Variants in USP49 observed in about 807,000 individuals in gnomAD.
The protein encoded by USP49 is ubiquitin specific peptidase 49.
Under a neutral mutation model 58.6 loss-of-function variants are expected in USP49, and 24 were observed. The ratio of observed to expected loss-of-function variants is 0.41; its 90% CI spans 0.30 to 0.58. USP49 has a LOEUF of 0.58. USP49 is among the 20% of genes least tolerant of loss of function. The probability of loss-of-function intolerance (pLI) is 0.30; values close to 1 mark genes in which losing one functional copy is unlikely to be tolerated. For synonymous variants in USP49, 408 were observed against 365.1 expected (o/e 1.12, Z -1.34); for missense variants, 703 against 866.1 (o/e 0.81, Z 2.36).
intron 3 of USP49, among the ~76,000 whole-genome samples, chr6:41,853,091 C>T (rs929699403): frequency 5.9e-5 from 9 of 152,128 alleles, no homozygotes; most frequent in Admixed American, 5.9e-4. Flanking sequence ...GAGGCTAAGG[C>T]AGGAGAATCG....
At chr6:41,817,193 G>A (rs1561908199) in intron 3 of USP49, among the ~76,000 whole-genome samples, 2 of 129,020 alleles carry the variant, frequency 1.6e-5, no homozygotes, top group African/African-American at 3.2e-5. Flanking sequence ...TCTGTCGCCA[G>A]GCTGGAGTGC....
chr6:41,872,195 A>G (rs1774421974), intron 2 of USP49, among the ~76,000 whole-genome samples: 1 of 152,236 alleles, frequency 6.6e-6, no homozygotes, highest in African/African-American at 2.4e-5. Flanking sequence ...AATTATATGT[A>G]TAAGCATGTT....
chr6:41,841,077 A>G (rs1582014619), intron 3 of USP49, among the ~76,000 whole-genome samples: 1 of 152,056 alleles, frequency 6.6e-6, no homozygotes, highest in East Asian at 1.9e-4. Flanking sequence ...ATCCTCTCCA[A>G]CTATTTCTGA....
rs555273739 is a variant in USP49 at position 41,845,406 on chromosome 6, G to A, written c.-29+26158C>T. 2.0e-5 allele frequency among the ~76,000 whole-genome samples: 3 copies of A among 152,148 alleles called. No homozygotes were observed. The South Asian group carries it at 6.2e-4, about 32-fold the overall frequency. Reference sequence around the variant, plus strand: ...CCGGGTATGGTGGCGCACACCTGTGGCTACTCGGGAGGCTGAGGCAGGAGA... The same window carrying A: ...CCGGGTATGGTGGCGCACACCTGTGACTACTCGGGAGGCTGAGGCAGGAGA... On this transcript the variant is annotated intron_variant, in intron 3 of 7. Coordinates refer to ENST00000682992, the MANE Select transcript of USP49 (RefSeq NM_001286554.2).
At chr6:41,818,356 CAT>C (rs1032322760) in intron 3 of USP49, among the ~76,000 whole-genome samples, 13 of 152,242 alleles carry the variant, frequency 8.5e-5, no homozygotes, top group East Asian at 1.9e-4. Context: ...CACACACACA[CAT>C]GCGCACACAC....
At chr6:41,868,500 G>GT (rs1299319926) in intron 3 of USP49, 3 of 151,868 alleles carry the variant, frequency 2.0e-5, no homozygotes, top group Non-Finnish European at 4.4e-5. Context: ...TCTAATTTTT[G>GT]TATTTTTAGT....
At chr6:41,815,485 T>C (rs1773333432) in intron 3 of USP49, among the ~76,000 whole-genome samples, 1 of 151,778 alleles carries the variant, frequency 6.6e-6, no homozygotes, top group South Asian at 2.1e-4. Flanking sequence ...TGTTCAGAAG[T>C]CCTTTGCTAA....
intron 3 of USP49, among the ~76,000 whole-genome samples, chr6:41,838,489 TCCAC>T (rs1316646713): frequency 1.3e-5 from 2 of 152,152 alleles, no homozygotes; most frequent in Non-Finnish European, 2.9e-5. Flanking sequence ...GCCTGGTAGC[TCCAC>T]TGGGTAGCTA....
intron 3 of USP49, among the ~76,000 whole-genome samples, chr6:41,871,332 G>C (rs555570059): frequency 1.3e-5 from 2 of 152,136 alleles, no homozygotes; most frequent in African/African-American, 4.8e-5. Flanking sequence ...CTGGTCTTTA[G>C]GTCCCATTTT....
intron 7 of USP49, chr6:41,797,685 T>G (rs1422494392): frequency 1.0e-6 from 1 of 985,846 alleles, no homozygotes; most frequent in Non-Finnish European, 1.2e-6. Context: ...GCTAGTGAGA[T>G]TCATACAATA....
intron 3 of USP49, among the ~76,000 whole-genome samples, chr6:41,837,336 G>C (rs1773745632): frequency 6.6e-6 from 1 of 152,040 alleles, no homozygotes; most frequent in Admixed American, 6.6e-5. Context: ...ACTCAACAAA[G>C]TCGACAAAAG....
intron 3 of USP49, among the ~76,000 whole-genome samples, chr6:41,820,089 C>A (rs543377998): frequency 1.3e-5 from 2 of 152,092 alleles, no homozygotes; most frequent in African/African-American, 4.8e-5. Context: ...TTATTTAGAT[C>A]CATACTTGAA....
chr6:41,802,937 A>G (rs889250081), intron 5 of USP49, among the ~76,000 whole-genome samples: 2 of 152,240 alleles, frequency 1.3e-5, no homozygotes, highest in African/African-American at 4.8e-5. Flanking sequence ...CAATAAAAAC[A>G]AAATGCAGAA....
At chr6:41,802,448 A>ATTTTTTTTT (rs1363216201) in intron 5 of USP49, among the ~76,000 whole-genome samples, 1 of 53,336 alleles carries the variant, frequency 1.9e-5, no homozygotes, top group African/African-American at 7.4e-5. Flanking sequence ...TTATTTATTT[A>ATTTTTTTTT]TTTATTTATT....
chr6:41,890,939 T>A (rs889768402), intron 2 of USP49, among the ~76,000 whole-genome samples: 2 of 152,210 alleles, frequency 1.3e-5, no homozygotes, highest in Admixed American at 6.5e-5. Flanking sequence ...CAATAAGGCA[T>A]TTTTTACTGG....
chr6:41,877,976 G>A (rs2127361799), intron 2 of USP49, among the ~76,000 whole-genome samples: 1 of 151,936 alleles, frequency 6.6e-6, no homozygotes, highest in South Asian at 2.1e-4. Context: ...GCCCAGGCTG[G>A]CCTTGAACTC....
chr6:41,883,023 T>C (rs1190881015), intron 2 of USP49, among the ~76,000 whole-genome samples: 2 of 152,054 alleles, frequency 1.3e-5, no homozygotes, highest in Non-Finnish European at 2.9e-5. Flanking sequence ...AGAAATATTA[T>C]ATATATTAAG....
At chr6:41,871,685 A>G (rs1774414526) in intron 2 of USP49, 48 bp from the exon 3 acceptor site, 1 of 152,232 alleles carries the variant, frequency 6.6e-6, no homozygotes, top group South Asian at 2.1e-4. Flanking sequence ...CATGGCAAGA[A>G]AAAAGCAATT....
chr6:41,794,081 CT>C lies in USP49; in HGVS notation c.*2451del, dbSNP rs564791119. 2.0e-5 allele frequency: 3 copies of C among 152,302 alleles called. No homozygotes were observed. The highest frequency in any genetic ancestry group is 2.9e-5 in the Non-Finnish European group (2 of 68,012). 9.4% of individuals were successfully genotyped at this position (152,302 alleles called of 1,614,324 possible). A position where few individuals can be genotyped will look rare whatever the true frequency, so the allele number is the denominator to read the frequency against. On this transcript the variant is annotated 3_prime_UTR_variant, in exon 8 of 8. Coordinates refer to ENST00000682992, the MANE Select transcript of USP49 (RefSeq NM_001286554.2). ...ACATTTCCCTCACAATAGCCATTGG[CT>C]TATGCAGCAGGGAACTCTTCTTTAA... is the stretch of plus-strand genomic sequence containing the variant.
Sources: gnomAD v4.1 joint callset for allele counts (sites outside exome capture counted in the v4.1 genomes callset) on GRCh38, gnomAD v4.1.1 for gene constraint, MANE v1.5 for transcripts, NCBI Gene and HGNC (gene_info 2026-07-23, HGNC 2026-07-21) for gene names.